The following KYAT3 variants were observed in gnomAD, a reference collection of about 807,000 sequenced individuals.
The protein encoded by KYAT3 is kynurenine aminotransferase 3.
A neutral mutation model predicts 59.0 loss-of-function variants in KYAT3; 50 were observed. The ratio of observed to expected loss-of-function variants is 0.85; its 90% confidence interval spans 0.68 to 1.07. The LOEUF (loss-of-function observed/expected upper bound fraction) is 1.07. Ranked by LOEUF, KYAT3 falls within the 50% of genes least tolerant of loss-of-function variation. The pLI is 0.00. For missense variants in KYAT3, 497 were observed against 533.3 expected (o/e 0.93, Z 0.67); for synonymous variants, 148 against 177.0 (o/e 0.84, Z 1.30).
chr1:88,930,886 T>A (rs1419913969), downstream of KYAT3, among the ~76,000 whole-genome samples: 4 of 151,594 alleles, frequency 2.6e-5, no homozygotes, highest in Admixed American at 6.6e-5. Context: ...CAGAAGGGAA[T>A]CGCCAAGCAG....
Position 88,962,988 on chromosome 1 carries a change from CT to C in KYAT3, c.454-844del, listed in dbSNP as rs397956625. ...TATGATGTGAACAATTCCTCTCTCTCTTTTTTTTTTTTTGAGAATATTTATT... is the reference window on the plus strand; with the variant it reads ...TATGATGTGAACAATTCCTCTCTCTCTTTTTTTTTTTTGAGAATATTTATT... On this transcript the variant is annotated intron_variant, in intron 5 of 13. Transcript: ENST00000260508. 9.9e-3 allele frequency among the ~76,000 whole-genome samples: 1,428 copies of C among 144,502 alleles called. 15 individuals are homozygous for C. The highest frequency in any genetic ancestry group is 0.032 in the African/African-American group (1,254 of 39,590). 94.8% of individuals were successfully genotyped at this position (144,502 alleles called of 152,430 possible). A position where few individuals can be genotyped will look rare whatever the true frequency, so the allele number is the denominator to read the frequency against.
At chr1:88,924,823 G>T in the KYAT3 span, among the ~76,000 whole-genome samples, 8 of 152,316 alleles carry the variant, frequency 5.3e-5, no homozygotes, top group East Asian at 1.9e-4. Flanking sequence ...TCCTAATCGA[G>T]CTGAACACTA....
intron 8 of KYAT3, 98 bp downstream of exon 8, chr1:88,961,069 A>C: frequency 8.1e-7 from 1 of 1,229,872 alleles, no homozygotes; most frequent in Non-Finnish European, 1.2e-6. Flanking sequence ...TACCCATTAC[A>C]AAGACTGTTT....
chr1:88,983,050 G>T lies in KYAT3; in HGVS notation c.99+5202C>A, dbSNP rs139696847. On this transcript the variant is annotated intron_variant, in intron 2 of 13. Transcript: ENST00000260508. ...GACCATATCCATCTCTATCGCCATAGCCTCTTGATGGATAGTCATCACGTG... is the reference window on the plus strand; with the variant it reads ...GACCATATCCATCTCTATCGCCATATCCTCTTGATGGATAGTCATCACGTG... The T allele has an allele frequency of 5.6e-5, 90 of 1,612,544 alleles. No homozygotes were observed. The African/African-American group carries it at 9.5e-4, about 17-fold the overall frequency.
Position 88,964,890 on chromosome 1 carries a change from G to A in KYAT3, c.392C>T (p.Thr131Ile). The A allele has an allele frequency of 6.2e-7, 1 of 1,609,002 alleles. No homozygotes were observed. Among genetic ancestry groups the A allele is most frequent in the African/African-American group, 1.3e-5 (1 of 74,768 alleles). ...AAAAAGAGATCCATATGCTCCTACT[G>A]TCACAAGGATTTCTTTATTTGAATC... The part of the protein sequence containing the change: ...QIDSNKEILV[T>I]VGAYGSLFNT... Residue 131 changes from threonine to isoleucine, a missense_variant, in exon 5 of 14, where the codon ACA becomes ATA. This residue lies in a region of KYAT3 where 469 missense variants were observed against 479.1 expected (regional missense o/e 0.98). Transcript: ENST00000260508.
chr1:88,944,465 G>A (rs550183165), intron 11 of KYAT3, among the ~76,000 whole-genome samples: 35 of 152,180 alleles, frequency 2.3e-4, no homozygotes, highest in Non-Finnish European at 4.1e-4. Context: ...AAGTAATAAT[G>A]CCAACAACAA....
At chr1:88,983,718 C>T (rs1225423368) in intron 2 of KYAT3, 4 of 1,613,970 alleles carry the variant, frequency 2.5e-6, no homozygotes, top group Non-Finnish European at 2.5e-6. Flanking sequence ...ATCAAGAGTA[C>T]TTCCACTATT....
chr1:88,964,943 C>G lies in KYAT3; in HGVS notation c.339G>C (p.Leu113=), dbSNP rs370070898. Residue 113 remains leucine (L), a synonymous_variant, in exon 5 of 14, where the codon CTG becomes CTC. Coordinates refer to ENST00000260508, the MANE Select transcript of KYAT3 (RefSeq NM_001008661.3). ...TTTGCTTTTGATAAAGCTTTTCATA[C>G]AGATAGGACAGAGCTTTCACAAGTG... The part of the protein sequence containing the change: ...HPSLVKALSY[L]YEKLYQKQID... The G allele has an allele frequency of 1.8e-5, 29 of 1,606,436 alleles. No homozygotes were observed. The highest frequency in any genetic ancestry group is 2.4e-5 in the Non-Finnish European group (28 of 1,178,222).
At chr1:88,979,507 A>G (rs893830627) in intron 2 of KYAT3, 1 of 152,258 alleles carries the variant, frequency 6.6e-6, no homozygotes, top group African/African-American at 2.4e-5. Context: ...TTACAACTCA[A>G]TAAGACAAAC....
chr1:88,977,439 C>T (rs1033231205), intron 2 of KYAT3, among the ~76,000 whole-genome samples: 2 of 151,768 alleles, frequency 1.3e-5, no homozygotes, highest in Admixed American at 6.6e-5. Flanking sequence ...TGACCTCAGG[C>T]GATCTGCCCT....
downstream of KYAT3, among the ~76,000 whole-genome samples, chr1:88,935,251 C>A (rs1674992617): frequency 6.6e-6 from 1 of 151,524 alleles, no homozygotes; most frequent in African/African-American, 2.4e-5. Context: ...GATCCACCCG[C>A]CTCGGCCTCC....
chr1:88,928,521 T>C, the KYAT3 span, among the ~76,000 whole-genome samples: 4 of 152,110 alleles, frequency 2.6e-5, no homozygotes, highest in African/African-American at 7.2e-5. Flanking sequence ...TTAAAAAAGA[T>C]TGTCCAAGTA....
At chr1:88,926,353 C>T in the KYAT3 span, among the ~76,000 whole-genome samples, 1 of 152,206 alleles carries the variant, frequency 6.6e-6, no homozygotes, top group Non-Finnish European at 1.5e-5. Flanking sequence ...GCTCTGTCAC[C>T]CAGGCTGGAG....
chr1:88,926,496 T>G, the KYAT3 span, among the ~76,000 whole-genome samples: 47 of 152,294 alleles, frequency 3.1e-4, no homozygotes, highest in Middle Eastern at 3.4e-3. Flanking sequence ...CTTTACTTTT[T>G]GTATAGACAG....
intron 9 of KYAT3, 145 bp from the exon 10 acceptor site, chr1:88,953,297 C>A: frequency 1.7e-6 from 1 of 596,360 alleles, no homozygotes; most frequent in Non-Finnish European, 3.0e-6. Context: ...GTAATCCCAG[C>A]ACTTTGGGAA....
At chr1:88,981,908 C>T (rs1677107392) in intron 2 of KYAT3, 4 of 933,576 alleles carry the variant, frequency 4.3e-6, no homozygotes, top group African/African-American at 1.8e-5. Context: ...AAAAGTGAGA[C>T]ATTAGAGTTG....
chr1:88,983,157 C>T (rs1229139043), intron 2 of KYAT3: 9 of 1,612,518 alleles, frequency 5.6e-6, no homozygotes, highest in Non-Finnish European at 7.6e-6. Context: ...CTTGGGTAAT[C>T]TCTGCTTGAA....
At chr1:88,966,423 C>G (rs192650303) in intron 4 of KYAT3, among the ~76,000 whole-genome samples, 1 of 152,016 alleles carries the variant, frequency 6.6e-6, no homozygotes, top group Non-Finnish European at 1.5e-5. Flanking sequence ...TAGATTTCAT[C>G]GTACAGATCT....
chr1:88,961,293 C>T lies in KYAT3; in HGVS notation c.667-6G>A, dbSNP rs752751117. The stretch of plus-strand genomic sequence containing the variant: ...AGTTCCTCTCTGTTATACACCTACA[C>T]ATAATAAAGGAAAGAGCACAGCCAA... On this transcript the variant is annotated splice_polypyrimidine_tract_variant and splice_region_variant and intron_variant, in intron 7 of 13. Coordinates refer to ENST00000260508, the MANE Select transcript of KYAT3 (RefSeq NM_001008661.3). 7.8e-5 allele frequency: 126 copies of T among 1,613,566 alleles called. No individual in the cohort carries two copies. The highest frequency in any genetic ancestry group is 1.3e-4 in the Admixed American group (8 of 60,016).
Sources: allele counts gnomAD v4.1 joint callset (sites outside exome capture counted in the v4.1 genomes callset), GRCh38; gene constraint gnomAD v4.1.1; regional missense constraint gnomAD v4.1.1; transcripts MANE v1.5; gene names NCBI Gene and HGNC (gene_info 2026-07-23, HGNC 2026-07-21).